The following CDKL5 variants were observed in gnomAD, a reference collection of about 807,000 sequenced individuals.
CDKL5 encodes cyclin dependent kinase like 5.
CDKL5 carries 8 observed loss-of-function variants against 61.7 expected under a neutral mutation model. The ratio of observed to expected loss-of-function variants is 0.13; its 90% CI spans 0.08 to 0.23. CDKL5 has a LOEUF of 0.23. Ranked by LOEUF, CDKL5 falls within the 10% of genes least tolerant of loss-of-function variation. CDKL5 has a pLI of 1.00. For synonymous variants in CDKL5, 275 were observed against 272.3 expected, an observed-to-expected ratio of 1.01 and a Z score of -0.10; for missense variants, 440 against 734.5, an observed-to-expected ratio of 0.60 and a Z score of 4.63.
intron 1 of CDKL5, among the ~76,000 whole-genome samples, chrX:18,456,947 A>G (rs1438417285): frequency 1.8e-5 from 2 of 110,923 alleles, no homozygotes; most frequent in Non-Finnish European, 3.8e-5. Flanking sequence ...TAGCCACAAC[A>G]CTTCATCAGT....
chrX:18,545,658 A>G (rs1330886229), intron 3 of CDKL5, among the ~76,000 whole-genome samples: 1 of 112,541 alleles, frequency 8.9e-6, no homozygotes, highest in African/African-American at 3.2e-5. Context: ...TGTACTTGGT[A>G]CTATAATCTT....
At chrX:18,569,381 A>G (rs775401597) in intron 4 of CDKL5, among the ~76,000 whole-genome samples, 1 of 111,999 alleles carries the variant, frequency 8.9e-6, no homozygotes, top group Non-Finnish European at 1.9e-5. Flanking sequence ...TCTGCTCATT[A>G]TTTGGATTTT....
In CDKL5 at chrX:18,635,631, T is replaced by TA. The variant is rs1431416768; in HGVS notation, c.*6875dup. ...CCTATTTATAAAGCTTTTTTCCCCT[T>TA]ACGGCATTTTGAAAACTTTGGTTTG... is the stretch of plus-strand genomic sequence containing the variant. On this transcript the variant is annotated 3_prime_UTR_variant, in exon 18 of 18. Coordinates refer to ENST00000623535, the MANE Select transcript of CDKL5 (RefSeq NM_001323289.2). 6 of 751,064 alleles carry TA rather than the reference T, an allele frequency of 8.0e-6. No individual in the cohort carries two copies. The highest frequency in any genetic ancestry group is 9.4e-6 in the Non-Finnish European group (6 of 637,271). 61.9% of individuals were successfully genotyped at this position (751,064 alleles called of 1,213,427 possible). A position where few individuals can be genotyped will look rare whatever the true frequency, so the allele number is the denominator to read the frequency against.
At chrX:18,453,515 A>G (rs1287505100) in intron 1 of CDKL5, among the ~76,000 whole-genome samples, 1 of 111,924 alleles carries the variant, frequency 8.9e-6, no homozygotes, top group Non-Finnish European at 1.9e-5. Flanking sequence ...AGAAAAGACC[A>G]TGATGTGTAT....
intron 20 of CDKL5, chrX:18,647,368 C>A: frequency 8.4e-7 from 1 of 1,192,463 alleles, no homozygotes; most frequent in Non-Finnish European, 1.1e-6. Flanking sequence ...TCACACATAT[C>A]TCAATACTCA....
rs751365207 is a variant in CDKL5 at position 18,635,019 on chromosome X, C to G, written c.*6262C>G. On this transcript the variant is annotated 3_prime_UTR_variant, in exon 18 of 18. Coordinates refer to ENST00000623535, the MANE Select transcript of CDKL5 (RefSeq NM_001323289.2). ...TCTTAATTGCACAGACTTTATAATCCATTATATAAAGTGTAATTCCATACT... is the reference window on the plus strand; with the variant it reads ...TCTTAATTGCACAGACTTTATAATCGATTATATAAAGTGTAATTCCATACT... The G allele has an allele frequency of 1.2e-3, 864 of 742,733 alleles. No homozygotes were observed. The highest frequency in any genetic ancestry group is 1.3e-3 in the Non-Finnish European group (839 of 634,005). 61.2% of individuals were successfully genotyped at this position (742,733 alleles called of 1,213,427 possible).
chrX:18,582,041 TTA>T (rs1925499617), intron 7 of CDKL5, 91 bp downstream of exon 7: 7 of 698,958 alleles, frequency 1.0e-5, no homozygotes, highest in Admixed American at 7.5e-5. Flanking sequence ...AAAGTAATTG[TTA>T]TGTTTTGACT....
chrX:18,478,912 C>T (rs1234669872), intron 1 of CDKL5, among the ~76,000 whole-genome samples: 2 of 110,415 alleles, frequency 1.8e-5, no homozygotes, highest in Non-Finnish European at 3.8e-5. Context: ...GACGGGGTTT[C>T]ACTATGTTGG....
intron 3 of CDKL5, among the ~76,000 whole-genome samples, chrX:18,549,942 C>G (rs903425121): frequency 9.0e-6 from 1 of 111,456 alleles, no homozygotes. Flanking sequence ...TGCCAGGCCT[C>G]CTTTAGCTGG....
Position 18,634,558 on chromosome X carries a change from C to T in CDKL5, c.*5801C>T. 1 of 754,303 alleles carries T rather than the reference C, an allele frequency of 1.3e-6. No homozygotes were observed. 62.2% of individuals were successfully genotyped at this position (754,303 alleles called of 1,213,427 possible). A position where few individuals can be genotyped will look rare whatever the true frequency, so the allele number is the denominator to read the frequency against. ...GTTCTCCAGCACGGCTTAGGTTTTCCAAAATGGAAAGCAAAGCTTGCAGAC... is the reference window on the plus strand; with the variant it reads ...GTTCTCCAGCACGGCTTAGGTTTTCTAAAATGGAAAGCAAAGCTTGCAGAC... On this transcript the variant is annotated 3_prime_UTR_variant, in exon 18 of 18. Transcript: ENST00000623535.
chrX:18,520,135 A>G (rs1379961159), intron 3 of CDKL5, among the ~76,000 whole-genome samples: 2 of 112,265 alleles, frequency 1.8e-5, no homozygotes, highest in Non-Finnish European at 3.8e-5. Context: ...TTTAAAGTAT[A>G]CAAGTATGTG....
At chrX:18,522,639 C>T (rs1396370149) in intron 3 of CDKL5, among the ~76,000 whole-genome samples, 3 of 109,615 alleles carry the variant, frequency 2.7e-5, no homozygotes, top group African/African-American at 1.0e-4. Flanking sequence ...GCCACCGCAC[C>T]TCGCTGCTAT....
chrX:18,558,861 AAAG>A (rs1924692642), intron 3 of CDKL5, among the ~76,000 whole-genome samples: 1 of 112,633 alleles, frequency 8.9e-6, no homozygotes, highest in African/African-American at 3.2e-5. Context: ...GGGAAGAAGC[AAAG>A]AAGGATTGGA....
At chrX:18,426,168 CGTCA>C (rs1453443603) in intron 1 of CDKL5, 1 of 112,619 alleles carries the variant, frequency 8.9e-6, no homozygotes, top group African/African-American at 3.2e-5. Context: ...CGCCAGGGGC[CGTCA>C]GTCGCGGCCC....
intron 16 of CDKL5, among the ~76,000 whole-genome samples, chrX:18,620,203 T>C (rs180973923): frequency 8.9e-6 from 1 of 112,567 alleles, no homozygotes; most frequent in Non-Finnish European, 1.9e-5. Flanking sequence ...CAGAGAACAC[T>C]TTAAGCCTTT....
rs1404632126 is a variant in CDKL5, at chrX:18,633,039, A to G, written c.*4282A>G. On this transcript the variant is annotated 3_prime_UTR_variant, in exon 18 of 18. Transcript: ENST00000623535. The stretch of plus-strand genomic sequence containing the variant: ...TGACTGAACTCTTTCAGCAAGGGCA[A>G]TGGCTCAATGTGATTCGGTGCTGGA... 12 of 752,544 alleles carry G rather than the reference A, an allele frequency of 1.6e-5. No individual in the cohort carries two copies. The highest frequency in any genetic ancestry group is 6.8e-5 in the South Asian group (1 of 14,698). The allele number at this position is 752,544 out of a possible 1,213,427, so 62.0% of individuals were successfully genotyped here.
intron 15 of CDKL5, among the ~76,000 whole-genome samples, chrX:18,616,566 G>A (rs1023874290): frequency 2.8e-5 from 3 of 108,514 alleles, no homozygotes; most frequent in African/African-American, 6.7e-5. Context: ...TGGAGGTTGC[G>A]GTGAGCCGAC....
At chrX:18,538,147 G>A (rs1451852735) in intron 3 of CDKL5, among the ~76,000 whole-genome samples, 9 of 111,847 alleles carry the variant, frequency 8.0e-5, no homozygotes, top group Admixed American at 2.8e-4. Flanking sequence ...TCTAATAGTT[G>A]TGTAGGTGAT....
intron 14 of CDKL5, among the ~76,000 whole-genome samples, chrX:18,611,414 G>A (rs1206823462): frequency 5.1e-5 from 5 of 98,240 alleles, no homozygotes; most frequent in Admixed American, 4.7e-4. Context: ...CAGCCTAGGC[G>A]ACAGAGCAAG....
Sources: allele counts gnomAD v4.1 joint callset (sites outside exome capture counted in the v4.1 genomes callset), GRCh38; gene constraint gnomAD v4.1.1; transcripts MANE v1.5; gene names NCBI Gene and HGNC (gene_info 2026-07-23, HGNC 2026-07-21).